The following TSPAN2 variants were observed in gnomAD, a reference collection of about 807,000 sequenced individuals.
TSPAN2 encodes the protein tetraspanin 2, also known as tetraspanin-2.
Under a neutral mutation model 33.3 loss-of-function variants are expected in TSPAN2, and 24 were observed. The ratio of observed to expected loss-of-function variants is 0.72; its 90% CI spans 0.52 to 1.01. The LOEUF is 1.01. Among genes scored for constraint, TSPAN2 ranks in the 50% least tolerant of loss-of-function variants. TSPAN2 has a pLI of 0.00. For synonymous variants in TSPAN2, 114 were observed against 104.5 expected (o/e 1.09, Z -0.56); for missense variants, 278 against 281.3 (o/e 0.99, Z 0.08).
At chr1:115,070,099 C>T (rs1418639327) in intron 2 of TSPAN2, among the ~76,000 whole-genome samples, 5 of 152,144 alleles carry the variant, frequency 3.3e-5, no homozygotes, top group South Asian at 4.1e-4. Context: ...TGTAGCGCCA[C>T]GCAACGGCCC....
chr1:115,085,198 A>G (rs2101050326), intron 1 of TSPAN2, among the ~76,000 whole-genome samples: 2 of 152,362 alleles, frequency 1.3e-5, no homozygotes, highest in Middle Eastern at 6.8e-3. Context: ...TTTAGACATG[A>G]CAGATGTTGG....
chr1:115,066,019 C>T (rs1440261850), intron 2 of TSPAN2, among the ~76,000 whole-genome samples: 2 of 152,186 alleles, frequency 1.3e-5, no homozygotes, highest in African/African-American at 4.8e-5. Flanking sequence ...CTGTGCTTGG[C>T]TTGTTTCACT....
intron 7 of TSPAN2, among the ~76,000 whole-genome samples, chr1:115,051,637 A>G (rs1162672506): frequency 6.6e-6 from 1 of 152,144 alleles, no homozygotes; most frequent in African/African-American, 2.4e-5. Context: ...GGGTACTATA[A>G]CTTTCTGGTT....
intron 1 of TSPAN2, among the ~76,000 whole-genome samples, chr1:115,081,202 A>G (rs955135174): frequency 2.6e-5 from 4 of 152,224 alleles, no homozygotes; most frequent in Admixed American, 6.5e-5. Flanking sequence ...CCATTTTACC[A>G]GGACCTGTTT....
intron 7 of TSPAN2, among the ~76,000 whole-genome samples, chr1:115,051,237 A>G (rs1675307539): frequency 6.6e-6 from 1 of 152,046 alleles, no homozygotes; most frequent in South Asian, 2.1e-4. Flanking sequence ...TGAGCCCAGG[A>G]GGTCGAGGCT....
chr1:115,056,125 T>A (rs76802984), intron 6 of TSPAN2, among the ~76,000 whole-genome samples: 2,257 of 152,354 alleles, frequency 0.015, 26 homozygotes, highest in East Asian at 0.047. Flanking sequence ...CAAAACTGTG[T>A]ATTATTGTTA....
chr1:115,087,999 T>A (rs935814383), intron 1 of TSPAN2, among the ~76,000 whole-genome samples: 6 of 152,206 alleles, frequency 3.9e-5, no homozygotes, highest in African/African-American at 1.4e-4. Context: ...ACATCTATAA[T>A]TAACAGCTTC....
chr1:115,058,360 C>A, intron 5 of TSPAN2: 1 of 177,302 alleles, frequency 5.6e-6, no homozygotes, highest in Non-Finnish European at 1.2e-5. Context: ...TCTGAGCACT[C>A]CACGGACAGC....
At chr1:115,060,631 G>T (rs1271870928) in intron 3 of TSPAN2, 93 bp from the exon 4 acceptor site, 3 of 917,404 alleles carry the variant, frequency 3.3e-6, no homozygotes, top group Non-Finnish European at 5.1e-6. Flanking sequence ...TGGCTGAATC[G>T]CTTTCATGTG....
chr1:115,087,747 T>C (rs1224110092), intron 1 of TSPAN2, among the ~76,000 whole-genome samples: 1 of 152,062 alleles, frequency 6.6e-6, no homozygotes, highest in African/African-American at 2.4e-5. Flanking sequence ...GGGATAATAA[T>C]AGTATATGTA....
At chr1:115,052,027 G>C (rs1485758470) in intron 7 of TSPAN2, among the ~76,000 whole-genome samples, 1 of 152,208 alleles carries the variant, frequency 6.6e-6, no homozygotes, top group African/African-American at 2.4e-5. Flanking sequence ...GCCGACACGA[G>C]TCAGGGGTGA....
At chr1:115,072,708 A>G (rs1223979574) in intron 2 of TSPAN2, among the ~76,000 whole-genome samples, 197 bp downstream of exon 2, 1 of 152,180 alleles carries the variant, frequency 6.6e-6, no homozygotes, top group East Asian at 1.9e-4. Flanking sequence ...GGGTCACCAC[A>G]GCCTCTCTAC....
intron 1 of TSPAN2, among the ~76,000 whole-genome samples, chr1:115,080,058 G>A (rs1202972163): frequency 1.3e-5 from 2 of 152,194 alleles, no homozygotes; most frequent in African/African-American, 2.4e-5. Flanking sequence ...ATTGCTGGGG[G>A]CAGTTTAGAA....
chr1:115,089,240 T>G, intron 1 of TSPAN2, 124 bp downstream of exon 1: 1 of 719,982 alleles, frequency 1.4e-6, no homozygotes, highest in Non-Finnish European at 2.1e-6. Context: ...CGCCTCCGCG[T>G]TTGAGCACCC....
intron 1 of TSPAN2, among the ~76,000 whole-genome samples, chr1:115,086,514 T>C (rs1648842209): frequency 1.3e-5 from 2 of 152,252 alleles, no homozygotes; most frequent in African/African-American, 4.8e-5. Flanking sequence ...CTCCTCATCA[T>C]GACTGTGATC....
intron 2 of TSPAN2, among the ~76,000 whole-genome samples, chr1:115,068,675 G>C (rs1453884799): frequency 2.0e-5 from 3 of 152,192 alleles, no homozygotes; most frequent in African/African-American, 7.2e-5. Flanking sequence ...CATACTGTAT[G>C]TTGTGCAAAT....
At position 115,060,648 on chromosome 1, in the gene TSPAN2, T is replaced by C. The variant is rs187231326; in HGVS notation, c.271-110A>G. ...GCTGAATCGCTTTCATGTGGTTCAT[T>C]CATTCATTCATTCATTCAGCAATTG... On this transcript the variant is annotated intron_variant, in intron 3 of 7. Transcript: ENST00000369516. The C allele has an allele frequency of 8.5e-4, 629 of 737,312 alleles. 2 individuals carry two copies. In the African/African-American group the frequency reaches 0.01, roughly 12 times the overall value. The allele number at this position is 737,312 out of a possible 1,614,324, so 45.7% of individuals were successfully genotyped here.
intron 6 of TSPAN2, 144 bp downstream of exon 6, chr1:115,057,393 C>T: frequency 5.1e-6 from 4 of 783,774 alleles, no homozygotes; most frequent in Non-Finnish European, 6.6e-6. Context: ...CAGCTCAACG[C>T]TATTCATTTT....
intron 1 of TSPAN2, among the ~76,000 whole-genome samples, chr1:115,087,655 A>G (rs1405054951): frequency 6.6e-6 from 1 of 151,292 alleles, no homozygotes; most frequent in Non-Finnish European, 1.5e-5. Context: ...GCTGAGTTTG[A>G]ATACCATCCC....
Sources: gnomAD v4.1 joint callset for allele counts (sites outside exome capture counted in the v4.1 genomes callset) on GRCh38, gnomAD v4.1.1 for gene constraint, MANE v1.5 for transcripts, NCBI Gene and HGNC (gene_info 2026-07-23, HGNC 2026-07-21) for gene names.